The following NLN variants were observed in gnomAD, a reference collection of about 807,000 sequenced individuals.
NLN encodes neurolysin, mitochondrial.
A neutral mutation model predicts 79.9 loss-of-function variants in NLN; 64 were observed. That is an observed-to-expected ratio of 0.80 (90% CI 0.65 to 0.99). The LOEUF is 0.99. Ranked by LOEUF, NLN falls within the 50% of genes least tolerant of loss-of-function variation. The pLI is 0.00. For synonymous variants in NLN, 267 were observed against 296.6 expected (o/e 0.90, Z 1.02); for missense variants, 835 against 858.7 (o/e 0.97, Z 0.34).
At chr5:65,807,496 A>G (rs2150772656) in intron 9 of NLN, among the ~76,000 whole-genome samples, 1 of 151,280 alleles carries the variant, frequency 6.6e-6, no homozygotes, top group Middle Eastern at 3.4e-3. Flanking sequence ...GCTGGAATGC[A>G]CTGGTGCTAT....
At chr5:65,786,530 T>C (rs368539470) in intron 7 of NLN, among the ~76,000 whole-genome samples, 20 of 152,346 alleles carry the variant, frequency 1.3e-4, no homozygotes, top group East Asian at 9.6e-4. Flanking sequence ...TTAGGCAGTA[T>C]GCTAAATAGT....
In NLN at chr5:65,788,257, T is replaced by G. The variant is rs773238624; in HGVS notation, c.1098T>G (p.Thr366=). ...INAWDLYYYM[T]QTEELKYSID... is the part of the protein sequence containing the mutation. ...CCTGGGATCTATATTACTACATGAC[T>G]CAGACAGAGGAACTCAAGTATTCCA... Residue 366 remains threonine, a synonymous_variant, in exon 8 of 13, where the codon ACT becomes ACG. Transcript: ENST00000380985. 6.2e-7 allele frequency: 1 copy of G among 1,614,128 alleles called. No individual in the cohort carries two copies.
intron 1 of NLN, among the ~76,000 whole-genome samples, chr5:65,727,221 A>G (rs1005703691): frequency 6.6e-6 from 1 of 152,192 alleles, no homozygotes; most frequent in African/African-American, 2.4e-5. Context: ...GCTGAAGTGC[A>G]GTGGGGCATG....
In NLN at chr5:65,785,875, C is replaced by T. The variant is rs1480627406; in HGVS notation, c.923C>T (p.Thr308Ile). ...GCTGACTTCGTCCTTGAAATGAACA[C>T]TGCAAAGAGCACAAGCCGCGTAACA... is the stretch of plus-strand genomic sequence containing the variant. ...THADFVLEMN[T>I]AKSTSRVTAF... The change falls in exon 7 of 13, where the codon ACT (threonine) becomes ATT (isoleucine). Residue 308 changes from threonine (T) to isoleucine (I), a missense_variant. Transcript: ENST00000380985. The T allele has an allele frequency of 1.2e-6, 2 of 1,613,738 alleles. No homozygotes were observed. The highest frequency in any genetic ancestry group is 3.3e-5 in the Admixed American group (2 of 59,968).
At chr5:65,734,602 G>T (rs749627171) in intron 1 of NLN, among the ~76,000 whole-genome samples, 3 of 151,358 alleles carry the variant, frequency 2.0e-5, no homozygotes, top group Non-Finnish European at 2.9e-5. Flanking sequence ...TATGCTTCCT[G>T]TTTGGCATTC....
Position 65,722,314 on chromosome 5 carries a change from G to C in NLN, c.-60G>C. 1 of 1,433,324 alleles carries C rather than the reference G, an allele frequency of 7.0e-7. No individual in the cohort carries two copies. The highest frequency in any genetic ancestry group is 1.3e-5 in the South Asian group (1 of 77,236). The allele number at this position is 1,433,324 out of a possible 1,614,324, so 88.8% of individuals were successfully genotyped here. The stretch of plus-strand genomic sequence containing the variant: ...CCCGGGCGCCCAGGCGCTGCCGCCC[G>C]CCTCGCCGCCCCACGCCGAAGGACC... On this transcript the variant is annotated 5_prime_UTR_variant, in exon 1 of 13. Transcript: ENST00000380985.
At chr5:65,773,125 CT>C (rs1759605802) in intron 3 of NLN, among the ~76,000 whole-genome samples, 1 of 94,960 alleles carries the variant, frequency 1.1e-5, no homozygotes, top group Admixed American at 1.0e-4. Flanking sequence ...GCCCTGAATT[CT>C]ATTTTTTTTT....
chr5:65,792,809 C>G (rs1349627461), intron 9 of NLN, 154 bp downstream of exon 9: 2 of 699,320 alleles, frequency 2.9e-6, no homozygotes, highest in Non-Finnish European at 5.2e-6. Flanking sequence ...TTTTCCTTAT[C>G]CTGTCCTCTT....
chr5:65,779,707 C>A (rs111744886), intron 4 of NLN, among the ~76,000 whole-genome samples: 24 of 152,256 alleles, frequency 1.6e-4, no homozygotes, highest in African/African-American at 5.8e-4. Context: ...TAAATTTATT[C>A]TTCAAATTCA....
chr5:65,736,802 C>CTTTT (rs1758737470), intron 1 of NLN, among the ~76,000 whole-genome samples: 1 of 152,008 alleles, frequency 6.6e-6, no homozygotes, highest in African/African-American at 2.4e-5. Flanking sequence ...ACTTGTTTTC[C>CTTTT]AGTATTCAAA....
intron 9 of NLN, among the ~76,000 whole-genome samples, chr5:65,806,916 C>T (rs981426737): frequency 6.6e-6 from 1 of 152,120 alleles, no homozygotes; most frequent in East Asian, 1.9e-4. Flanking sequence ...TTGGCTCCCA[C>T]CTGTAATCCC....
intron 1 of NLN, among the ~76,000 whole-genome samples, chr5:65,727,116 A>G (rs924544877): frequency 3.3e-5 from 5 of 152,060 alleles, no homozygotes; most frequent in African/African-American, 9.7e-5. Flanking sequence ...TCACTTTGTG[A>G]CCTTAAAAAA....
intron 8 of NLN, among the ~76,000 whole-genome samples, chr5:65,790,625 G>A (rs181790677): frequency 1.2e-4 from 19 of 152,300 alleles, no homozygotes; most frequent in Non-Finnish European, 2.1e-4. Flanking sequence ...TCCCTCCCAC[G>A]ACACGTGGGG....
intron 12 of NLN, among the ~76,000 whole-genome samples, chr5:65,820,323 T>TTC: frequency 6.6e-6 from 1 of 152,352 alleles, no homozygotes; most frequent in South Asian, 2.1e-4. Flanking sequence ...TATTGATGAT[T>TTC]GAGACTGGAT....
intron 1 of NLN, among the ~76,000 whole-genome samples, chr5:65,736,453 G>A (rs914182872): frequency 6.6e-6 from 1 of 152,146 alleles, no homozygotes; most frequent in African/African-American, 2.4e-5. Context: ...TAGGTTGTAG[G>A]ATGTACATTC....
chr5:65,790,630 G>A (rs957768398), intron 8 of NLN, among the ~76,000 whole-genome samples: 1 of 152,210 alleles, frequency 6.6e-6, no homozygotes, highest in Non-Finnish European at 1.5e-5. Context: ...CCCACGACAC[G>A]TGGGGATTAT....
At chr5:65,754,239 T>A (rs910004592) in intron 1 of NLN, among the ~76,000 whole-genome samples, 1 of 152,104 alleles carries the variant, frequency 6.6e-6, no homozygotes, top group Non-Finnish European at 1.5e-5. Context: ...TTTCCTTCCT[T>A]TATTCTGCCA....
At chr5:65,801,753 A>G (rs867876836) in intron 9 of NLN, among the ~76,000 whole-genome samples, 2 of 152,214 alleles carry the variant, frequency 1.3e-5, no homozygotes, top group Non-Finnish European at 1.5e-5. Flanking sequence ...TCTACTCTGC[A>G]TGACATTAAC....
chr5:65,774,468 T>C (rs914841511), intron 3 of NLN, among the ~76,000 whole-genome samples: 16 of 152,226 alleles, frequency 1.1e-4, no homozygotes, highest in African/African-American at 3.1e-4. Context: ...TAGAAAATCC[T>C]TGGGCAGTAA....
Sources: allele counts gnomAD v4.1 joint callset (sites outside exome capture counted in the v4.1 genomes callset), GRCh38; gene constraint gnomAD v4.1.1; transcripts MANE v1.5; gene names NCBI Gene and HGNC (gene_info 2026-07-23, HGNC 2026-07-21).